Variants in SDK1 observed in about 807,000 individuals in gnomAD.
SDK1 encodes the protein sidekick cell adhesion molecule 1.
SDK1 carries 157 observed loss-of-function variants against 245.5 expected under a neutral mutation model. That is an observed-to-expected ratio of 0.64 (90% confidence interval 0.56 to 0.73). SDK1 has a LOEUF of 0.73. Ranked by LOEUF, SDK1 falls within the 30% of genes least tolerant of loss-of-function variation. The pLI, the probability that SDK1 is intolerant of heterozygous loss-of-function variation, is 0.00. For synonymous variants in SDK1, 1,647 were observed against 1,278.5 expected (o/e 1.29, Z -6.15); for missense variants, 3,583 against 3,002.3 (o/e 1.19, Z -4.52).
intron 5 of SDK1, among the ~76,000 whole-genome samples, chr7:3,846,686 C>T (rs772681367): frequency 6.6e-6 from 1 of 152,200 alleles, no homozygotes; most frequent in African/African-American, 2.4e-5. Context: ...CTTCTCTGAA[C>T]TCATCTTTTC....
chr7:3,581,149 TAA>T, intron 1 of SDK1, among the ~76,000 whole-genome samples: 1 of 151,956 alleles, frequency 6.6e-6, no homozygotes, highest in Admixed American at 6.6e-5. Context: ...CAGAGCAAAA[TAA>T]ACTATCAACA....
chr7:3,987,169 A>C lies in SDK1; in HGVS notation c.1995-17A>C. ...ATGTGTTTTCCTCTTTTTCCTTTTC[A>C]TCCCATTCAATTCAAGTGAACTGCC... On this transcript the variant is annotated splice_polypyrimidine_tract_variant and intron_variant, in intron 13 of 44. Transcript: ENST00000404826. 1 of 1,612,748 alleles carries C rather than the reference A, an allele frequency of 6.2e-7. No individual in the cohort carries two copies. The highest frequency in any genetic ancestry group is 8.5e-7 in the Non-Finnish European group (1 of 1,179,604).
intron 36 of SDK1, 43 bp from the exon 37 acceptor site, chr7:4,208,056 G>T: frequency 6.7e-7 from 1 of 1,497,750 alleles, no homozygotes. Context: ...CTTACTGGAA[G>T]GCTTCCCCAG....
At chr7:3,596,946 G>C (rs578136609) in intron 1 of SDK1, among the ~76,000 whole-genome samples, 1 of 152,236 alleles carries the variant, frequency 6.6e-6, no homozygotes, top group Admixed American at 6.5e-5. Flanking sequence ...TTTGAACACT[G>C]GCCGCCTGTG....
At chr7:3,696,693 T>G (rs1048272368) in intron 4 of SDK1, among the ~76,000 whole-genome samples, 6 of 152,146 alleles carry the variant, frequency 3.9e-5, no homozygotes, top group African/African-American at 1.4e-4. Flanking sequence ...TGCCGATTTC[T>G]GAAACAATGT....
rs1394476814 is a variant in SDK1, at chr7:3,988,147, T to G, written c.2131+825T>G. On this transcript the variant is annotated intron_variant, in intron 14 of 44. Transcript: ENST00000404826. ...TCTTTTTAATGTTTTTTTTTTTTTT[T>G]TTTTTTTTTTACCTCACTCCTGCAG... Among the ~76,000 whole-genome samples the G allele has an allele frequency of 5.3e-3, 783 of 146,438 alleles. 9 individuals carry two copies. The highest frequency in any genetic ancestry group is 0.019 in the African/African-American group (736 of 39,226).
chr7:3,789,787 C>G (rs1413405234), intron 4 of SDK1, among the ~76,000 whole-genome samples: 2 of 152,102 alleles, frequency 1.3e-5, no homozygotes, highest in African/African-American at 4.8e-5. Flanking sequence ...CTTGTGAGAC[C>G]TTTGCAGGAT....
chr7:3,670,840 T>A (rs1203729466), intron 4 of SDK1, among the ~76,000 whole-genome samples: 1 of 152,218 alleles, frequency 6.6e-6, no homozygotes, highest in African/African-American at 2.4e-5. Flanking sequence ...TATCCCCTTT[T>A]ACTACTGGTT....
At chr7:3,614,340 A>G (rs1469007077) in intron 1 of SDK1, among the ~76,000 whole-genome samples, 4 of 152,322 alleles carry the variant, frequency 2.6e-5, no homozygotes, top group Admixed American at 6.5e-5. Flanking sequence ...CGTTGTTAGA[A>G]TACAGAAGTA....
At chr7:3,606,238 T>C (rs1046232032) in intron 1 of SDK1, among the ~76,000 whole-genome samples, 2 of 152,170 alleles carry the variant, frequency 1.3e-5, no homozygotes, top group African/African-American at 4.8e-5. Context: ...TTTTCTCTTA[T>C]GCTTCACCCT....
intron 25 of SDK1, among the ~76,000 whole-genome samples, chr7:4,118,502 C>A (rs78534450): frequency 5.9e-5 from 9 of 152,170 alleles, no homozygotes; most frequent in African/African-American, 1.2e-4. Flanking sequence ...GATTCAGAAA[C>A]GTTGGAAAAC....
intron 32 of SDK1, among the ~76,000 whole-genome samples, chr7:4,168,100 G>A (rs1207688407): frequency 1.3e-5 from 2 of 152,224 alleles, no homozygotes; most frequent in Non-Finnish European, 2.9e-5. Flanking sequence ...GGGCATCTCT[G>A]TGAAGCCACC....
intron 4 of SDK1, among the ~76,000 whole-genome samples, chr7:3,677,182 C>G (rs866914354): frequency 1.3e-5 from 2 of 152,072 alleles, no homozygotes; most frequent in African/African-American, 2.4e-5. Context: ...GGATTCTGCT[C>G]TGTGTGCGAA....
At position 3,878,530 on chromosome 7, in the gene SDK1, A is replaced by G. The variant is rs10249486; in HGVS notation, c.847+56947A>G. On this transcript the variant is annotated intron_variant, in intron 5 of 44. Coordinates refer to ENST00000404826, the MANE Select transcript of SDK1 (RefSeq NM_152744.4). ...AGACTCTGTCTCAAAAAAATAAAAT[A>G]AAATGAAATAAATAAATAAATAAAG... Among the ~76,000 whole-genome samples the G allele has an allele frequency of 7.8e-3, 1,192 of 152,152 alleles. 18 individuals carry two copies. The highest frequency in any genetic ancestry group is 0.027 in the African/African-American group (1,130 of 41,560).
intron 1 of SDK1, among the ~76,000 whole-genome samples, chr7:3,501,856 C>G (rs1583960481): frequency 6.6e-6 from 1 of 152,166 alleles, no homozygotes; most frequent in African/African-American, 2.4e-5. Flanking sequence ...CTCTAAGATT[C>G]TGTATTATGA....
intron 1 of SDK1, among the ~76,000 whole-genome samples, chr7:3,352,002 A>C (rs1780672285): frequency 6.6e-6 from 1 of 152,068 alleles, no homozygotes; most frequent in Admixed American, 6.5e-5. Context: ...ATAAATTTCA[A>C]ATGATTGAAA....
At chr7:4,208,587 C>G (rs1784361125) in intron 37 of SDK1, among the ~76,000 whole-genome samples, 1 of 152,220 alleles carries the variant, frequency 6.6e-6, no homozygotes, top group Non-Finnish European at 1.5e-5. Context: ...GCAGCAAGGC[C>G]TCGTTCATAA....
intron 4 of SDK1, among the ~76,000 whole-genome samples, chr7:3,818,717 G>A (rs1435732447): frequency 6.6e-6 from 1 of 152,210 alleles, no homozygotes; most frequent in African/African-American, 2.4e-5. Flanking sequence ...ACAGGCTGCT[G>A]GATGGTTGGT....
At chr7:3,774,996 G>C (rs371669008) in intron 4 of SDK1, among the ~76,000 whole-genome samples, 1 of 152,182 alleles carries the variant, frequency 6.6e-6, no homozygotes, top group Non-Finnish European at 1.5e-5. Flanking sequence ...CAGTGCCCCA[G>C]GGAACTGTGA....
Sources: allele counts gnomAD v4.1 joint callset (sites outside exome capture counted in the v4.1 genomes callset), GRCh38; gene constraint gnomAD v4.1.1; transcripts MANE v1.5; gene names NCBI Gene and HGNC (gene_info 2026-07-23, HGNC 2026-07-21).